The following PDZRN3 variants were observed in gnomAD, a reference collection of about 807,000 sequenced individuals.
The protein encoded by PDZRN3 is PDZ domain containing ring finger 3.
Under a neutral mutation model 85.7 loss-of-function variants are expected in PDZRN3, and 38 were observed. That is an observed-to-expected ratio of 0.44 (90% CI 0.34 to 0.58). The LOEUF (loss-of-function observed/expected upper bound fraction) is 0.58, where lower values mean the gene tolerates loss of function less well. Ranked by LOEUF, PDZRN3 falls within the 20% of genes least tolerant of loss-of-function variation. The pLI is 0.01. For synonymous variants in PDZRN3, 759 were observed against 638.0 expected (o/e 1.19, Z -2.86); for missense variants, 1,629 against 1,506.4 (o/e 1.08, Z -1.35).
chr3:73,534,801 G>C lies in PDZRN3; in HGVS notation c.918+67553C>G, dbSNP rs576090075. On this transcript the variant is annotated intron_variant, in intron 3 of 9. Coordinates refer to ENST00000263666, the MANE Select transcript of PDZRN3 (RefSeq NM_015009.3). ...TTACGGAACTGAGGCTCAGAAAAGA[G>C]GGTAGATGTCATTTCTATCTTTCTA... is the stretch of plus-strand genomic sequence containing the variant. Among the ~76,000 whole-genome samples, 113 of 152,308 alleles carry C rather than the reference G, an allele frequency of 7.4e-4. 1 individual carries two copies. The highest frequency in any genetic ancestry group is 2.6e-3 in the African/African-American group (107 of 41,572).
chr3:73,576,198 G>C (rs1214470966), intron 3 of PDZRN3, among the ~76,000 whole-genome samples: 1 of 152,128 alleles, frequency 6.6e-6, no homozygotes, highest in East Asian at 1.9e-4. Context: ...ACCCCAAACT[G>C]AGGAAATGAG....
rs146957114 is a variant in PDZRN3, at chr3:73,383,511, C to G, written c.3055G>C (p.Glu1019Gln). Reference sequence around the variant, plus strand: ...TTCATCATCTTTTTGTGGCTCAGTTCGAGAATGTTCATCTCCTTCCTGTCA... The same window carrying G: ...TTCATCATCTTTTTGTGGCTCAGTTGGAGAATGTTCATCTCCTTCCTGTCA... ...ADDRKEMNIL[E>Q]LSHKKMMKKR... Residue 1019 changes from glutamate (E) to glutamine (Q), a missense_variant, in exon 10 of 10, where the codon GAA (glutamate) becomes CAA (glutamine). Glu to Gln is a conservative substitution (Grantham distance 29). Transcript: ENST00000263666. The G allele has an allele frequency of 6.2e-7, 1 of 1,614,120 alleles. No homozygotes were observed. The highest frequency in any genetic ancestry group is 8.5e-7 in the Non-Finnish European group (1 of 1,180,028).
At chr3:73,517,012 C>A (rs1475807248) in intron 3 of PDZRN3, among the ~76,000 whole-genome samples, 2 of 152,180 alleles carry the variant, frequency 1.3e-5, no homozygotes, top group African/African-American at 4.8e-5. Flanking sequence ...ATCCCAGTAA[C>A]CCAAATTCCA....
chr3:73,438,292 G>A (rs2106815504), intron 3 of PDZRN3, among the ~76,000 whole-genome samples: 1 of 152,344 alleles, frequency 6.6e-6, no homozygotes, highest in Non-Finnish European at 1.5e-5. Context: ...TAAGTCATCA[G>A]GGTGCTACAG....
At position 73,566,500 on chromosome 3, in the gene PDZRN3, A is replaced by C. The variant is rs144196712; in HGVS notation, c.918+35854T>G. 8.5e-5 allele frequency among the ~76,000 whole-genome samples: 13 copies of C among 152,328 alleles called. No homozygotes were observed. In the East Asian group the frequency reaches 2.1e-3, roughly 25 times the overall value. ...TGTCCTGATTTTGAAAATGCTCATT[A>C]TTTGAGAGTAAGAAAATGTATCCAT... is the stretch of plus-strand genomic sequence containing the variant. On this transcript the variant is annotated intron_variant, in intron 3 of 9. Transcript: ENST00000263666.
At chr3:73,429,947 G>A (rs1237054627) in intron 3 of PDZRN3, among the ~76,000 whole-genome samples, 2 of 152,194 alleles carry the variant, frequency 1.3e-5, no homozygotes, top group Non-Finnish European at 2.9e-5. Context: ...GGGCCTGTCT[G>A]AGACACCAAG....
chr3:73,581,190 T>C (rs1380325132), intron 3 of PDZRN3, among the ~76,000 whole-genome samples: 1 of 152,194 alleles, frequency 6.6e-6, no homozygotes, highest in African/African-American at 2.4e-5. Flanking sequence ...AGCAGCTTTC[T>C]CTCAAAGAGA....
chr3:73,383,396 T>G lies in PDZRN3; in HGVS notation c.3170A>C (p.Tyr1057Ser), dbSNP rs759756717. The change falls in exon 10 of 10, where the codon TAC (tyrosine) becomes TCC (serine). Residue 1057 changes from tyrosine (Y) to serine (S), a missense_variant. Coordinates refer to ENST00000263666, the MANE Select transcript of PDZRN3 (RefSeq NM_015009.3). ...AGTAGTCACCGATAGGAAGGAATTG[T>G]ATACTCTAGTGCCGTCCGGGGATTT... ...GTKSPDGTRV[Y>S]NSFLSVTTV The G allele has an allele frequency of 6.2e-7, 1 of 1,613,388 alleles. No individual in the cohort carries two copies. The highest frequency in any genetic ancestry group is 8.5e-7 in the Non-Finnish European group (1 of 1,179,584).
chr3:73,386,882 T>C (rs1192054089), intron 8 of PDZRN3, among the ~76,000 whole-genome samples: 1 of 152,202 alleles, frequency 6.6e-6, no homozygotes, highest in African/African-American at 2.4e-5. Flanking sequence ...TCGGGTTTCA[T>C]ACTGATATGG....
chr3:73,549,893 A>G (rs569442505), intron 3 of PDZRN3, among the ~76,000 whole-genome samples: 1 of 152,324 alleles, frequency 6.6e-6, no homozygotes, highest in East Asian at 1.9e-4. Context: ...TAACAATTCT[A>G]TAGATCCTTG....
chr3:73,417,836 C>T (rs1421905690), intron 3 of PDZRN3, among the ~76,000 whole-genome samples: 1 of 152,184 alleles, frequency 6.6e-6, no homozygotes, highest in African/African-American at 2.4e-5. Flanking sequence ...AGCTATCTAT[C>T]TCCATTGAAA....
intron 3 of PDZRN3, among the ~76,000 whole-genome samples, chr3:73,599,468 C>T (rs1048609661): frequency 3.3e-5 from 5 of 151,974 alleles, no homozygotes; most frequent in Admixed American, 6.6e-5. Flanking sequence ...GAGTTTCAGT[C>T]GAGGAAGATG....
chr3:73,504,829 T>C (rs1372619619), intron 3 of PDZRN3, among the ~76,000 whole-genome samples: 2 of 152,218 alleles, frequency 1.3e-5, no homozygotes, highest in South Asian at 4.1e-4. Flanking sequence ...TTTAAGTGCA[T>C]GTATATGATC....
At chr3:73,579,581 G>T (rs149838837) in intron 3 of PDZRN3, among the ~76,000 whole-genome samples, 2 of 152,308 alleles carry the variant, frequency 1.3e-5, no homozygotes, top group Non-Finnish European at 2.9e-5. Context: ...GAACATAGAG[G>T]TCGACAGGTA....
At chr3:73,601,435 T>C (rs1358001327) in intron 3 of PDZRN3, among the ~76,000 whole-genome samples, 2 of 152,228 alleles carry the variant, frequency 1.3e-5, no homozygotes, top group African/African-American at 2.4e-5. Context: ...ATTTGCACTA[T>C]ATTACGGCTG....
chr3:73,420,464 G>C (rs1702177174), intron 3 of PDZRN3, among the ~76,000 whole-genome samples: 1 of 152,212 alleles, frequency 6.6e-6, no homozygotes, highest in Non-Finnish European at 1.5e-5. Flanking sequence ...TACTGAATCT[G>C]AGAATTTTCC....
At chr3:73,426,886 T>C (rs1455860815) in intron 3 of PDZRN3, among the ~76,000 whole-genome samples, 2 of 152,140 alleles carry the variant, frequency 1.3e-5, no homozygotes, top group Non-Finnish European at 2.9e-5. Context: ...TAAAAGAAAC[T>C]TCCAGAGACT....
rs1271830427 is a variant in PDZRN3 at position 73,465,794 on chromosome 3, T to C, written c.919-61399A>G. Among the ~76,000 whole-genome samples, 3 of 152,236 alleles carry C rather than the reference T, an allele frequency of 2.0e-5. No homozygotes were observed. The South Asian group carries it at 6.2e-4, about 32-fold the overall frequency. Reference sequence around the variant, plus strand: ...CGGGGATTTATAGTTTCTCCTTTAATAGTTATAGTCTGATATACCATAAGT... The same window carrying C: ...CGGGGATTTATAGTTTCTCCTTTAACAGTTATAGTCTGATATACCATAAGT... On this transcript the variant is annotated intron_variant, in intron 3 of 9. Coordinates refer to ENST00000263666, the MANE Select transcript of PDZRN3 (RefSeq NM_015009.3).
intron 3 of PDZRN3, among the ~76,000 whole-genome samples, chr3:73,531,536 G>A (rs1261509839): frequency 3.3e-5 from 5 of 152,128 alleles, no homozygotes; most frequent in Admixed American, 3.3e-4. Flanking sequence ...CTGACCCAGT[G>A]TCCCAACCCT....
Sources: allele counts gnomAD v4.1 joint callset (sites outside exome capture counted in the v4.1 genomes callset), GRCh38; gene constraint gnomAD v4.1.1; transcripts MANE v1.5; gene names NCBI Gene and HGNC (gene_info 2026-07-23, HGNC 2026-07-21).